The following SUCLG2 variants were observed in gnomAD, a reference collection of about 807,000 sequenced individuals.
SUCLG2 encodes the protein succinate-CoA ligase GDP-forming subunit beta.
SUCLG2 carries 42 observed loss-of-function variants against 47.9 expected under a neutral mutation model. The observed-to-expected ratio is 0.88, with a 90% CI of 0.69 to 1.14. SUCLG2 has a LOEUF of 1.14. Ranked by LOEUF, SUCLG2 falls within the 50% of genes most tolerant of loss-of-function variation. SUCLG2 has a pLI of 0.00. For synonymous variants in SUCLG2, 195 were observed against 197.3 expected, an observed-to-expected ratio of 0.99 and a Z score of 0.10; for missense variants, 571 against 525.9, an observed-to-expected ratio of 1.09 and a Z score of -0.84.
chr3:67,465,376 T>G (rs1287891322), intron 9 of SUCLG2, among the ~76,000 whole-genome samples: 2 of 152,194 alleles, frequency 1.3e-5, no homozygotes, highest in African/African-American at 4.8e-5. Flanking sequence ...AGCTCTCTCC[T>G]GCCTTTGCTT....
At chr3:67,448,689 T>C (rs1703984615) in intron 9 of SUCLG2, among the ~76,000 whole-genome samples, 1 of 152,244 alleles carries the variant, frequency 6.6e-6, no homozygotes, top group Non-Finnish European at 1.5e-5. Context: ...AATATGTTGC[T>C]TTAGCAGTTT....
chr3:67,376,497 GAAC>G, intron 10 of SUCLG2: 9 of 984,120 alleles, frequency 9.1e-6, no homozygotes, highest in Non-Finnish European at 1.1e-5. Flanking sequence ...ATTTTAGAGT[GAAC>G]AACTCCTGTA....
chr3:67,456,942 T>C (rs1704200634), intron 9 of SUCLG2, among the ~76,000 whole-genome samples: 1 of 152,230 alleles, frequency 6.6e-6, no homozygotes, highest in Non-Finnish European at 1.5e-5. Context: ...TTCTTCTTTA[T>C]ACCTTTATGT....
At chr3:67,478,560 C>A (rs919543853) in intron 9 of SUCLG2, among the ~76,000 whole-genome samples, 4 of 152,200 alleles carry the variant, frequency 2.6e-5, no homozygotes, top group Non-Finnish European at 5.9e-5. Context: ...TCCTTGATCC[C>A]TGGTTGTTTT....
chr3:67,496,191 A>G (rs563945533), intron 8 of SUCLG2, among the ~76,000 whole-genome samples: 1 of 152,364 alleles, frequency 6.6e-6, no homozygotes, highest in African/African-American at 2.4e-5. Context: ...AAGTTAAATC[A>G]ATCTGAAAAA....
In SUCLG2 at chr3:67,361,901, T is replaced by C. The variant is rs940368835; in HGVS notation, c.1184-1133A>G. 2.6e-5 allele frequency among the ~76,000 whole-genome samples: 4 copies of C among 152,136 alleles called. No individual in the cohort carries two copies. In the East Asian group the frequency reaches 7.7e-4, roughly 29 times the overall value. ...CTGGGATGGTGAGGGGAACATGCCCTGGCTAGGCTGCTGAAGGATGAGACA... is the reference window on the plus strand; with the variant it reads ...CTGGGATGGTGAGGGGAACATGCCCCGGCTAGGCTGCTGAAGGATGAGACA... On this transcript the variant is annotated intron_variant, in intron 10 of 10. Coordinates refer to the SUCLG2 transcript ENST00000493112.
intron 7 of SUCLG2, among the ~76,000 whole-genome samples, chr3:67,499,554 A>C (rs1187371330): frequency 6.6e-6 from 1 of 152,140 alleles, no homozygotes; most frequent in East Asian, 1.9e-4. Flanking sequence ...GACAGACTAC[A>C]GGGCACTTTC....
chr3:67,459,525 G>A (rs1428507772), intron 9 of SUCLG2, among the ~76,000 whole-genome samples: 1 of 152,148 alleles, frequency 6.6e-6, no homozygotes, highest in Non-Finnish European at 1.5e-5. Context: ...CAAGGGTCAA[G>A]TTTAAATTTG....
chr3:67,535,995 T>C (rs1193166980), intron 2 of SUCLG2, among the ~76,000 whole-genome samples: 1 of 152,164 alleles, frequency 6.6e-6, no homozygotes, highest in Non-Finnish European at 1.5e-5. Flanking sequence ...GGGTTGAAAA[T>C]GAACAGCTCT....
At chr3:67,513,744 A>G (rs1705859431) in intron 6 of SUCLG2, among the ~76,000 whole-genome samples, 1 of 152,202 alleles carries the variant, frequency 6.6e-6, no homozygotes, top group Middle Eastern at 3.2e-3. Context: ...CTGCGTACAA[A>G]AAGTTTTTCT....
At position 67,434,940 on chromosome 3, in the gene SUCLG2, T is replaced by C. The variant is rs1322259060; in HGVS notation, c.1063-34089A>G. On this transcript the variant is annotated intron_variant, in intron 9 of 10. Coordinates refer to ENST00000307227, the MANE Select transcript of SUCLG2 (RefSeq NM_003848.4). ...TACGTCTCAACTGTTGTTAGGTAAG[T>C]TCTTCACCAGTAACTAATGATAATT... 2.6e-5 allele frequency among the ~76,000 whole-genome samples: 4 copies of C among 152,326 alleles called. No homozygotes were observed. The South Asian group carries it at 8.3e-4, about 32-fold the overall frequency.
intron 6 of SUCLG2, chr3:67,514,239 T>C (rs1705879836): frequency 4.9e-6 from 2 of 409,258 alleles, no homozygotes; most frequent in Non-Finnish European, 9.7e-6. Flanking sequence ...TCTTCTGGTA[T>C]GATGTATTCA....
At chr3:67,449,679 G>T (rs529836897) in intron 9 of SUCLG2, among the ~76,000 whole-genome samples, 3 of 150,488 alleles carry the variant, frequency 2.0e-5, no homozygotes, top group African/African-American at 7.3e-5. Flanking sequence ...GCAGTGGCGT[G>T]ACCTCGCTCA....
At chr3:67,535,011 T>C (rs1187708483) in intron 2 of SUCLG2, among the ~76,000 whole-genome samples, 1 of 152,138 alleles carries the variant, frequency 6.6e-6, no homozygotes, top group East Asian at 1.9e-4. Context: ...CCTATTATGA[T>C]ATACATTGAC....
chr3:67,566,001 T>C (rs181926789), intron 2 of SUCLG2, among the ~76,000 whole-genome samples: 2 of 152,342 alleles, frequency 1.3e-5, no homozygotes, highest in Admixed American at 6.5e-5. Flanking sequence ...AGGCACACTC[T>C]GTTCCAGGGA....
rs139111882 is a variant in SUCLG2, at chr3:67,594,805, T to C, written c.226+14650A>G. Among the ~76,000 whole-genome samples, 24 of 152,348 alleles carry C rather than the reference T, an allele frequency of 1.6e-4. No homozygotes were observed. In the East Asian group the frequency reaches 3.1e-3, roughly 20 times the overall value. On this transcript the variant is annotated intron_variant, in intron 2 of 10. Transcript: ENST00000307227. ...GAAAATCAGTAAGATAGTAAAGCTATAGATGACTTTTAGCAATCATTGATA... is the reference window on the plus strand; with the variant it reads ...GAAAATCAGTAAGATAGTAAAGCTACAGATGACTTTTAGCAATCATTGATA...
At chr3:67,611,575 G>A (rs763816387) in intron 1 of SUCLG2, among the ~76,000 whole-genome samples, 3 of 152,206 alleles carry the variant, frequency 2.0e-5, no homozygotes, top group Admixed American at 1.3e-4. Flanking sequence ...CTATTATCTA[G>A]GACCACTCTT....
chr3:67,508,512 C>G (rs1378812643), intron 7 of SUCLG2, among the ~76,000 whole-genome samples: 3 of 152,046 alleles, frequency 2.0e-5, no homozygotes, highest in African/African-American at 7.2e-5. Flanking sequence ...TCAAGTGATC[C>G]TCCCGCCTTG....
chr3:67,637,279 T>G (rs532223586), intron 1 of SUCLG2, among the ~76,000 whole-genome samples: 1 of 152,194 alleles, frequency 6.6e-6, no homozygotes, highest in African/African-American at 2.4e-5. Flanking sequence ...GCCCACAGTA[T>G]ATGAACTGCC....
Sources: gnomAD v4.1 joint callset for allele counts (sites outside exome capture counted in the v4.1 genomes callset) on GRCh38, gnomAD v4.1.1 for gene constraint, MANE v1.5 for transcripts, NCBI Gene and HGNC (gene_info 2026-07-23, HGNC 2026-07-21) for gene names.